The following NALF1 variants were observed in gnomAD, a reference collection of about 807,000 sequenced individuals.
NALF1 encodes the protein NALCN channel auxiliary factor 1, also known as family with sequence similarity 155 member A.
In NALF1, 3 loss-of-function variants were observed where a neutral mutation model predicts 48.4. That is an observed-to-expected ratio of 0.06 (90% CI 0.03 to 0.16). The LOEUF (loss-of-function observed/expected upper bound fraction) is 0.16. NALF1 is among the 10% of genes least tolerant of loss of function. The pLI, the probability that NALF1 is intolerant of heterozygous loss-of-function variation, is 1.00. For missense variants in NALF1, 526 were observed against 571.5 expected (o/e 0.92, Z 0.81); for synonymous variants, 262 against 245.7 (o/e 1.07, Z -0.62).
chr13:107,447,486 T>C (rs1884669550), intron 1 of NALF1, among the ~76,000 whole-genome samples: 1 of 152,256 alleles, frequency 6.6e-6, no homozygotes, highest in Non-Finnish European at 1.5e-5. Context: ...CACAGGTTTC[T>C]GCATAACACA....
At chr13:107,503,885 C>T (rs1875607676) in intron 1 of NALF1, among the ~76,000 whole-genome samples, 2 of 150,630 alleles carry the variant, frequency 1.3e-5, no homozygotes, top group Non-Finnish European at 1.5e-5. Context: ...AAAAGCCAGA[C>T]ATAGAAAGAA....
intron 1 of NALF1, among the ~76,000 whole-genome samples, chr13:107,285,477 T>C (rs1321785500): frequency 6.6e-6 from 1 of 152,186 alleles, no homozygotes; most frequent in Non-Finnish European, 1.5e-5. Flanking sequence ...ATGCATTTTT[T>C]CACGTTCTCA....
intron 1 of NALF1, among the ~76,000 whole-genome samples, chr13:107,782,310 C>A (rs1296859748): frequency 6.6e-6 from 1 of 152,218 alleles, no homozygotes; most frequent in East Asian, 1.9e-4. Context: ...CAGCCTCGGC[C>A]TCCGGAGGTG....
At chr13:107,255,202 G>A (rs768811198) in intron 1 of NALF1, among the ~76,000 whole-genome samples, 16 of 152,160 alleles carry the variant, frequency 1.1e-4, no homozygotes, top group Non-Finnish European at 2.1e-4. Context: ...AGCCTGAGTG[G>A]CAGTGTGCTG....
chr13:107,170,534 A>C lies in NALF1; in HGVS notation c.1340T>G (p.Ile447Ser), dbSNP rs1276926687. The C allele has an allele frequency of 1.9e-6, 3 of 1,608,618 alleles. No individual in the cohort carries two copies. Among genetic ancestry groups the C allele is most frequent in the Non-Finnish European group, 2.6e-6 (3 of 1,175,908 alleles). Residue 447 changes from isoleucine to serine, a missense_variant, in exon 3 of 3, where the codon ATC becomes AGC. This residue lies in a region of NALF1 where 153 missense variants were observed against 215.9 expected (regional missense o/e 0.71). Transcript: ENST00000375915. ...QNTAGLSFGG[I>S]NTLEENSTNE... is the part of the protein sequence containing the mutation. ...GGTTGAGTTTTCTTCCAGCGTGTTG[A>C]TGCCTCCAAAGCTCAGTCCGGCTGT...
intron 1 of NALF1, among the ~76,000 whole-genome samples, chr13:107,316,525 G>A (rs1759677588): frequency 6.6e-6 from 1 of 152,144 alleles, no homozygotes; most frequent in Non-Finnish European, 1.5e-5. Context: ...CAGTGTAAAA[G>A]TGTTCCTATT....
intron 1 of NALF1, among the ~76,000 whole-genome samples, chr13:107,841,722 A>C (rs1880047440): frequency 6.6e-6 from 1 of 152,076 alleles, no homozygotes. Flanking sequence ...ACATTTCACA[A>C]AGACTGTTTT....
intron 1 of NALF1, among the ~76,000 whole-genome samples, chr13:107,325,857 T>C (rs200800833): frequency 0.021 from 1,196 of 56,802 alleles, 26 homozygotes; most frequent in African/African-American, 0.061. Context: ...CACACACACA[T>C]ATATATATAT....
intron 1 of NALF1, among the ~76,000 whole-genome samples, chr13:107,798,266 G>A (rs891685565): frequency 1.2e-4 from 18 of 152,162 alleles, no homozygotes; most frequent in African/African-American, 3.9e-4. Flanking sequence ...TTACTTTTCA[G>A]AGGGCACAAT....
intron 1 of NALF1, among the ~76,000 whole-genome samples, chr13:107,332,356 G>A (rs1373369166): frequency 1.3e-5 from 2 of 152,090 alleles, no homozygotes; most frequent in East Asian, 1.9e-4. Flanking sequence ...CTGCTTAAAC[G>A]GTGAGAAAAA....
intron 1 of NALF1, among the ~76,000 whole-genome samples, chr13:107,364,017 C>A (rs1457217579): frequency 6.6e-6 from 1 of 152,156 alleles, no homozygotes; most frequent in African/African-American, 2.4e-5. Context: ...ACGTTCTAAT[C>A]AGTCTATACG....
chr13:107,447,596 T>G (rs1390731939), intron 1 of NALF1, among the ~76,000 whole-genome samples: 2 of 152,118 alleles, frequency 1.3e-5, no homozygotes, highest in African/African-American at 2.4e-5. Context: ...TTTACAGCTC[T>G]TTCAGGGCAC....
intron 1 of NALF1, among the ~76,000 whole-genome samples, chr13:107,471,448 C>CAGGGA (rs1380190392): frequency 6.6e-6 from 1 of 152,064 alleles, no homozygotes; most frequent in African/African-American, 2.4e-5. Context: ...GAAGGGTAGG[C>CAGGGA]AGGGGCAGCT....
chr13:107,267,119 C>G (rs1465615819), intron 1 of NALF1, among the ~76,000 whole-genome samples: 2 of 152,202 alleles, frequency 1.3e-5, no homozygotes, highest in African/African-American at 4.8e-5. Flanking sequence ...GGCTCTTGGC[C>G]AAGACTCCCC....
intron 1 of NALF1, among the ~76,000 whole-genome samples, chr13:107,413,291 C>T (rs879743689): frequency 1.3e-5 from 2 of 152,066 alleles, no homozygotes; most frequent in Non-Finnish European, 2.9e-5. Flanking sequence ...CTGATAACCA[C>T]ACAATTCTAA....
chr13:107,641,050 A>C (rs1880141519), intron 1 of NALF1, among the ~76,000 whole-genome samples: 1 of 152,230 alleles, frequency 6.6e-6, no homozygotes. Context: ...TATGGTATTG[A>C]CACACAATGA....
At chr13:107,226,914 C>T (rs1207010767) in intron 1 of NALF1, among the ~76,000 whole-genome samples, 2 of 152,218 alleles carry the variant, frequency 1.3e-5, no homozygotes, top group African/African-American at 4.8e-5. Flanking sequence ...AACTGATGCG[C>T]CCAGACATTG....
intron 1 of NALF1, among the ~76,000 whole-genome samples, chr13:107,795,115 G>A (rs1448008076): frequency 6.6e-6 from 1 of 152,126 alleles, no homozygotes; most frequent in Admixed American, 6.6e-5. Context: ...AATTAGCTAA[G>A]ATAATGTTAG....
chr13:107,358,690 C>T (rs1037096121), intron 1 of NALF1, among the ~76,000 whole-genome samples: 13 of 152,082 alleles, frequency 8.5e-5, no homozygotes, highest in African/African-American at 3.1e-4. Flanking sequence ...ATGGATGACC[C>T]CTGAATCACT....
Sources: gnomAD v4.1 joint callset for allele counts (sites outside exome capture counted in the v4.1 genomes callset) on GRCh38, gnomAD v4.1.1 for gene constraint, gnomAD v4.1.1 regional missense constraint, MANE v1.5 for transcripts, NCBI Gene and HGNC (gene_info 2026-07-23, HGNC 2026-07-21) for gene names.